ITPKB: variants seen among roughly 807,000 people sequenced by gnomAD.
ITPKB encodes inositol-trisphosphate 3-kinase B.
A neutral mutation model predicts 69.4 loss-of-function variants in ITPKB; 13 were observed. The ratio of observed to expected loss-of-function variants is 0.19; its 90% CI spans 0.12 to 0.30. ITPKB has a LOEUF of 0.30. Ranked by LOEUF, ITPKB falls within the 10% of genes least tolerant of loss-of-function variation. The probability of loss-of-function intolerance (pLI) is 1.00; values close to 1 mark genes in which losing one functional copy is unlikely to be tolerated. For synonymous variants in ITPKB, 584 were observed against 513.7 expected (o/e 1.14, Z -1.85); for missense variants, 1,240 against 1,250.5 (o/e 0.99, Z 0.13).
intron 2 of ITPKB, among the ~76,000 whole-genome samples, chr1:226,729,938 C>G (rs2102649473): frequency 6.6e-6 from 1 of 152,168 alleles, no homozygotes; most frequent in Admixed American, 6.5e-5. Flanking sequence ...GGCCTAACTT[C>G]CTAATGAGAT....
intron 2 of ITPKB, among the ~76,000 whole-genome samples, chr1:226,661,755 C>T (rs545240034): frequency 5.3e-5 from 8 of 152,224 alleles, no homozygotes; most frequent in South Asian, 2.1e-4. Context: ...ATACCTCTCA[C>T]GTATACTGTC....
rs1235289872 is a variant in ITPKB at position 226,735,953 on chromosome 1, C to G, written c.1506G>C (p.Gln502His). The change falls in exon 2 of 8, where the codon CAG becomes CAC. Residue 502 changes from glutamine to histidine, a missense_variant. Physicochemically the swap from Gln to His is conservative, Grantham distance 24. Around this residue, in one of 2 missense-constraint regions of ITPKB, gnomAD observed 992 missense variants for 853.8 expected, o/e 1.16. Coordinates refer to ENST00000429204, the MANE Select transcript of ITPKB (RefSeq NM_002221.4). The stretch of plus-strand genomic sequence containing the variant: ...CCTGCCAAACCCTGGAGTTCCCAGG[C>G]TGCACACCCACCCTGTCCCCAGGAG... ...QCPPGDRVGV[Q>H]PGNSRVWQGT... The G allele has an allele frequency of 6.2e-7, 1 of 1,614,050 alleles. No individual in the cohort carries two copies.
Position 226,634,998 on chromosome 1 carries a change from G to C in ITPKB, c.2626-112C>G. On this transcript the variant is annotated intron_variant, in intron 7 of 7. Transcript: ENST00000429204. The surrounding 1 kb of genome is among the most constrained non-coding windows in gnomAD (Gnocchi z 6.3). ...GAGGCTCGCTCAGGCCGGACAGTTG[G>C]GTGCCTGCAATTCCAATCCCCATTT... The C allele has an allele frequency of 1.3e-6, 1 of 743,626 alleles. No individual in the cohort carries two copies. The highest frequency in any genetic ancestry group is 2.2e-6 in the Non-Finnish European group (1 of 452,948). The allele number at this position is 743,626 out of a possible 1,614,324, so 46.1% of individuals were successfully genotyped here. A position where few individuals can be genotyped will look rare whatever the true frequency, so the allele number is the denominator to read the frequency against.
At chr1:226,657,741 T>C (rs1669323225) in intron 2 of ITPKB, among the ~76,000 whole-genome samples, 1 of 152,244 alleles carries the variant, frequency 6.6e-6, no homozygotes, top group Non-Finnish European at 1.5e-5. Flanking sequence ...TTTAGTAACT[T>C]GCAAAAGGTC....
At chr1:226,638,860 T>G (rs1457299997) in intron 6 of ITPKB, among the ~76,000 whole-genome samples, 1 of 151,892 alleles carries the variant, frequency 6.6e-6, no homozygotes, top group Non-Finnish European at 1.5e-5. Flanking sequence ...GTTCTCTCTC[T>G]CAGGGCATGG....
chr1:226,689,596 T>TGTGTGG (rs1238513634), intron 2 of ITPKB, among the ~76,000 whole-genome samples: 5 of 151,770 alleles, frequency 3.3e-5, no homozygotes, highest in Admixed American at 1.3e-4. Context: ...TGTGTGTGTG[T>TGTGTGG]GTGTGTGTGT....
At chr1:226,714,449 A>T (rs530216724) in intron 2 of ITPKB, among the ~76,000 whole-genome samples, 2 of 152,340 alleles carry the variant, frequency 1.3e-5, no homozygotes, top group East Asian at 3.9e-4. Flanking sequence ...CTTTGATTTG[A>T]AGTAAGAATG....
In ITPKB at chr1:226,647,313, C is replaced by T; in HGVS notation, c.2100G>A (p.Leu700=). ...KKHCESEQRC[L]DRLMVDVLRP... The stretch of plus-strand genomic sequence containing the variant: ...TCAGCACATCCACCATCAGCCGGTC[C>T]AGGCAGCGCTGCTCTGACTCACAGT... Residue 700 remains leucine (L), a synonymous_variant, in exon 4 of 8, where the codon CTG becomes CTA. Coordinates refer to ENST00000429204, the MANE Select transcript of ITPKB (RefSeq NM_002221.4). The T allele has an allele frequency of 6.2e-7, 1 of 1,614,212 alleles. No homozygotes were observed. Among genetic ancestry groups the T allele is most frequent in the Middle Eastern group, 1.6e-4 (1 of 6,062 alleles).
At chr1:226,653,738 A>C (rs545878772) in intron 2 of ITPKB, among the ~76,000 whole-genome samples, 1 of 152,264 alleles carries the variant, frequency 6.6e-6, no homozygotes, top group African/African-American at 2.4e-5. Context: ...CACGGCTTTT[A>C]CTTTGATTCT....
At chr1:226,649,873 A>T (rs548963796) in intron 2 of ITPKB, among the ~76,000 whole-genome samples, 1 of 152,230 alleles carries the variant, frequency 6.6e-6, no homozygotes, top group South Asian at 2.1e-4. Flanking sequence ...ACATATTTTT[A>T]GAAAAAATAT....
chr1:226,737,010 A>C lies in ITPKB; in HGVS notation c.449T>G (p.Phe150Cys). The C allele has an allele frequency of 6.2e-7, 1 of 1,612,802 alleles. No individual in the cohort carries two copies. Among genetic ancestry groups the C allele is most frequent in the Non-Finnish European group, 8.5e-7 (1 of 1,179,898 alleles). The part of the protein sequence containing the change: ...NVQVNQKVGM[F>C]EAHIQAQSSA... ...GCTCTGTGCCTGGATGTGCGCCTCA[A>C]ACATGCCCACTTTCTGGTTCACCTG... The change falls in exon 2 of 8, where the codon TTT becomes TGT. Residue 150 changes from phenylalanine (F) to cysteine (C), a missense_variant. Phe to Cys is a radical substitution (Grantham distance 205). This residue lies in a region of ITPKB where 992 missense variants were observed against 853.8 expected (regional missense o/e 1.16). Transcript: ENST00000429204.
At chr1:226,711,440 A>AGTGT (rs1317310111) in intron 2 of ITPKB, among the ~76,000 whole-genome samples, 1,043 of 95,494 alleles carry the variant, frequency 0.011, 8 homozygotes, top group African/African-American at 0.042. Context: ...AGAGAGAGAG[A>AGTGT]GAGTGTGTGT....
At chr1:226,648,831 G>T in intron 2 of ITPKB, 60 bp from the exon 3 acceptor site, 1 of 1,216,874 alleles carries the variant, frequency 8.2e-7, no homozygotes, top group Non-Finnish European at 1.2e-6. Context: ...TTCTGGTTAG[G>T]ACAAATTCAA....
At chr1:226,650,388 G>A (rs1669163733) in intron 2 of ITPKB, among the ~76,000 whole-genome samples, 1 of 152,224 alleles carries the variant, frequency 6.6e-6, no homozygotes, top group Non-Finnish European at 1.5e-5. Context: ...GAGGCCATGT[G>A]ACAAAAGGGC....
intron 2 of ITPKB, among the ~76,000 whole-genome samples, chr1:226,712,805 C>T (rs565927047): frequency 3.5e-4 from 53 of 152,298 alleles, no homozygotes; most frequent in Middle Eastern, 3.4e-3. Flanking sequence ...AAAATATTAG[C>T]GTCCCGGTGC....
chr1:226,728,581 C>G (rs1657491542), intron 2 of ITPKB, among the ~76,000 whole-genome samples: 1 of 152,226 alleles, frequency 6.6e-6, no homozygotes, highest in Non-Finnish European at 1.5e-5. Flanking sequence ...GGCTGGTGTG[C>G]AGTGTGCACT....
intron 2 of ITPKB, among the ~76,000 whole-genome samples, chr1:226,714,179 G>A (rs1657039723): frequency 6.6e-6 from 1 of 152,194 alleles, no homozygotes; most frequent in African/African-American, 2.4e-5. Flanking sequence ...AAAATTAGGT[G>A]AGGACAGCAG....
rs950463843 is a variant in ITPKB at position 226,736,645 on chromosome 1, C to T, written c.814G>A (p.Ala272Thr). Residue 272 changes from alanine (A) to threonine (T), a missense_variant, in exon 2 of 8, where the codon GCT becomes ACT. Ala to Thr is a moderately conservative substitution (Grantham distance 58, BLOSUM62 0). Around this residue, in one of 2 missense-constraint regions of ITPKB, gnomAD observed 992 missense variants for 853.8 expected, o/e 1.16. Coordinates refer to ENST00000429204, the MANE Select transcript of ITPKB (RefSeq NM_002221.4). ...GAGCCCCTTTTGTCAATTTCCATAGCTGTGGGTGAGCCACAGCGGGGACTG... is the reference window on the plus strand; with the variant it reads ...GAGCCCCTTTTGTCAATTTCCATAGTTGTGGGTGAGCCACAGCGGGGACTG... ...PASPRCGSPT[A>T]MEIDKRGSPT... 2.5e-6 allele frequency: 4 copies of T among 1,613,542 alleles called. No homozygotes were observed. Among genetic ancestry groups the T allele is most frequent in the Non-Finnish European group, 3.4e-6 (4 of 1,180,010 alleles).
At chr1:226,697,520 G>A (rs1032777987) in intron 2 of ITPKB, among the ~76,000 whole-genome samples, 1 of 152,172 alleles carries the variant, frequency 6.6e-6, no homozygotes, top group Non-Finnish European at 1.5e-5. Flanking sequence ...GGTCAGGTGA[G>A]GGAATCTCTT....
Sources: gnomAD v4.1 joint callset for allele counts (sites outside exome capture counted in the v4.1 genomes callset) on GRCh38, gnomAD v4.1.1 for gene constraint, gnomAD v4.1.1 regional missense constraint, Gnocchi (gnomAD v3.1) non-coding constraint, MANE v1.5 for transcripts, NCBI Gene and HGNC (gene_info 2026-07-23, HGNC 2026-07-21) for gene names.